Variants in FBXL2 observed in about 807,000 individuals in gnomAD.
The protein encoded by FBXL2 is F-box/LRR-repeat protein 2.
FBXL2 carries 38 observed loss-of-function variants against 69.2 expected under a neutral mutation model. The observed-to-expected ratio is 0.55, with a 90% CI of 0.42 to 0.72. The LOEUF is 0.72. FBXL2 is among the 30% of genes least tolerant of loss of function. The probability of loss-of-function intolerance (pLI) is 0.00; values close to 1 mark genes in which losing one functional copy is unlikely to be tolerated. For synonymous variants in FBXL2, 192 were observed against 201.3 expected (o/e 0.95, Z 0.39); for missense variants, 354 against 520.3 (o/e 0.68, Z 3.11).
rs376460808 is a variant in FBXL2, at chr3:33,359,374, T to G, written c.195+17T>G. On this transcript the variant is annotated intron_variant, in intron 4 of 14. Coordinates refer to ENST00000484457, the MANE Select transcript of FBXL2 (RefSeq NM_012157.5). Reference sequence around the variant, plus strand: ...GATGTAGAGGTAAGTTAGCTTTGGTTTAGACAAAAAACTTTTTAAAAATAT... The same window carrying G: ...GATGTAGAGGTAAGTTAGCTTTGGTGTAGACAAAAAACTTTTTAAAAATAT... 1.0e-5 allele frequency: 16 copies of G among 1,599,366 alleles called. No homozygotes were observed. In the African/African-American group the frequency reaches 2.0e-4, roughly 20 times the overall value.
At chr3:33,351,373 T>C (rs2040820534) in intron 2 of FBXL2, among the ~76,000 whole-genome samples, 2 of 152,230 alleles carry the variant, frequency 1.3e-5, no homozygotes, top group South Asian at 4.1e-4. Flanking sequence ...TATATACCTG[T>C]AATGAACTAC....
the FBXL2 span, among the ~76,000 whole-genome samples, chr3:33,422,109 T>G: frequency 6.6e-6 from 1 of 152,140 alleles, no homozygotes; most frequent in Non-Finnish European, 1.5e-5. Flanking sequence ...GAAGATACTT[T>G]GCTAGTCTGG....
chr3:33,420,116 C>T, the FBXL2 span, among the ~76,000 whole-genome samples: 1 of 152,076 alleles, frequency 6.6e-6, no homozygotes, highest in South Asian at 2.1e-4. Context: ...GTGACAGCCC[C>T]CACTTTGCTA....
At chr3:33,390,602 T>C, downstream of FBXL2, 1 of 564,030 alleles carries the variant, frequency 1.8e-6, no homozygotes, top group East Asian at 3.0e-5. Flanking sequence ...AACGCCCGCA[T>C]TCCAACACTG....
chr3:33,306,590 C>T lies in FBXL2; in HGVS notation c.65+8865C>T, dbSNP rs554270982. Among the ~76,000 whole-genome samples the T allele has an allele frequency of 2.6e-5, 4 of 152,278 alleles. No homozygotes were observed. The South Asian group carries it at 8.3e-4, about 32-fold the overall frequency. On this transcript the variant is annotated intron_variant, in intron 2 of 14. Transcript: ENST00000484457. ...CCTCTCCATATCTTTCTCTTCCATACATTTGTCTGTTGAAGAACTTGGGTT... is the reference window on the plus strand; with the variant it reads ...CCTCTCCATATCTTTCTCTTCCATATATTTGTCTGTTGAAGAACTTGGGTT...
At chr3:33,323,761 A>G (rs542066999) in intron 2 of FBXL2, among the ~76,000 whole-genome samples, 4 of 152,318 alleles carry the variant, frequency 2.6e-5, no homozygotes, top group African/African-American at 9.6e-5. Flanking sequence ...TAGTGCTGCA[A>G]TAAACATATG....
In FBXL2 at chr3:33,387,449, A is replaced by G. The variant is rs4678947; in HGVS notation, c.*1841A>G. The G allele has an allele frequency of 0.37, 55,958 of 152,028 alleles. 10,603 individuals are homozygous for G. The highest frequency in any genetic ancestry group is 0.48 in the East Asian group (2,470 of 5,140). 9.4% of individuals were successfully genotyped at this position (152,028 alleles called of 1,614,324 possible). Reference sequence around the variant, plus strand: ...AAACCCCATCTCTACTGAAAATACAAAAATTAGCCGGGCGTGGTGCTGGGC... The same window carrying G: ...AAACCCCATCTCTACTGAAAATACAGAAATTAGCCGGGCGTGGTGCTGGGC... On this transcript the variant is annotated 3_prime_UTR_variant, in exon 15 of 15. Transcript: ENST00000484457.
At chr3:33,344,423 A>G (rs1191622982) in intron 2 of FBXL2, among the ~76,000 whole-genome samples, 1 of 152,172 alleles carries the variant, frequency 6.6e-6, no homozygotes, top group Non-Finnish European at 1.5e-5. Context: ...TACTAACATT[A>G]TAAATCTATA....
Position 33,374,075 on chromosome 3 carries a change from G to T in FBXL2, c.657+154G>T, listed in dbSNP as rs570832595. Among the ~76,000 whole-genome samples the T allele has an allele frequency of 2.0e-5, 3 of 152,136 alleles. No homozygotes were observed. The South Asian group carries it at 6.2e-4, about 32-fold the overall frequency. ...GTGTCCTTATATAACCTACCAATTT[G>T]TCACAAGCTGGAACAACAACAACAA... On this transcript the variant is annotated intron_variant, in intron 9 of 14. Transcript: ENST00000484457.
intron 12 of FBXL2, among the ~76,000 whole-genome samples, chr3:33,399,576 A>G (rs1053025139): frequency 1.3e-5 from 2 of 152,222 alleles, no homozygotes; most frequent in African/African-American, 4.8e-5. Flanking sequence ...ATATGATTGC[A>G]TTTATATAAC....
At chr3:33,304,268 C>T (rs887798307) in intron 2 of FBXL2, among the ~76,000 whole-genome samples, 1 of 152,006 alleles carries the variant, frequency 6.6e-6, no homozygotes, top group African/African-American at 2.4e-5. Context: ...TGCTGCCCCT[C>T]CTCATTCCCC....
intron 2 of FBXL2, among the ~76,000 whole-genome samples, chr3:33,323,934 G>A (rs564355506): frequency 6.6e-6 from 1 of 152,292 alleles, no homozygotes; most frequent in East Asian, 1.9e-4. Context: ...CAGTGTAAGA[G>A]CGTTCCTATT....
the FBXL2 span, among the ~76,000 whole-genome samples, chr3:33,415,492 G>A: frequency 6.6e-6 from 1 of 152,128 alleles, no homozygotes; most frequent in Non-Finnish European, 1.5e-5. Context: ...GTTGGCATGA[G>A]AACTTATGAG....
At chr3:33,393,170 C>T (rs965666855) in intron 12 of FBXL2, 3 of 946,750 alleles carry the variant, frequency 3.2e-6, no homozygotes, top group Non-Finnish European at 3.0e-6. Context: ...GTTATAAGTT[C>T]TTCCAAAGTG....
the FBXL2 span, among the ~76,000 whole-genome samples, chr3:33,420,250 C>T: frequency 5.9e-5 from 9 of 152,176 alleles, no homozygotes; most frequent in Non-Finnish European, 8.8e-5. Context: ...GCAAAAAGAA[C>T]TTTCTGAAAT....
At chr3:33,279,852 T>A (rs1326254146) in intron 1 of FBXL2, among the ~76,000 whole-genome samples, 1 of 152,134 alleles carries the variant, frequency 6.6e-6, no homozygotes, top group African/African-American at 2.4e-5. Context: ...ATTTTAGAGA[T>A]GAGGAAATTG....
At chr3:33,318,956 T>C (rs893417929) in intron 2 of FBXL2, among the ~76,000 whole-genome samples, 2 of 152,184 alleles carry the variant, frequency 1.3e-5, no homozygotes, top group Admixed American at 1.3e-4. Flanking sequence ...ATAGGTGTGT[T>C]TCCTGAAGGA....
chr3:33,408,648 A>G, downstream of FBXL2: 5 of 1,561,698 alleles, frequency 3.2e-6, no homozygotes, highest in Non-Finnish European at 3.5e-6. Flanking sequence ...AACACTGCAC[A>G]AGGTTTCTTG....
In FBXL2 at chr3:33,289,707, A is replaced by G. The variant is rs184244251; in HGVS notation, c.4-7957A>G. ...AGTGCAGGACTACACCTACCTGCCA[A>G]CTTTTCCCATGGGCCTTCAATTAGT... On this transcript the variant is annotated intron_variant, in intron 1 of 14. Coordinates refer to ENST00000484457, the MANE Select transcript of FBXL2 (RefSeq NM_012157.5). 1.8e-3 allele frequency: 1,737 copies of G among 983,712 alleles called. 6 individuals carry two copies. Among genetic ancestry groups the G allele is most frequent in the Non-Finnish European group, 1.8e-3 (1,494 of 828,370 alleles). 60.9% of individuals were successfully genotyped at this position (983,712 alleles called of 1,614,324 possible). A position where few individuals can be genotyped will look rare whatever the true frequency, so the allele number is the denominator to read the frequency against.
Sources: gnomAD v4.1 joint callset for allele counts (sites outside exome capture counted in the v4.1 genomes callset) on GRCh38, gnomAD v4.1.1 for gene constraint, MANE v1.5 for transcripts, NCBI Gene and HGNC (gene_info 2026-07-23, HGNC 2026-07-21) for gene names.